ANKRD16: variants seen among roughly 807,000 people sequenced by gnomAD.
ANKRD16 encodes the protein ankyrin repeat domain-containing protein 16.
ANKRD16 carries 35 observed loss-of-function variants against 37.9 expected under a neutral mutation model. That is an observed-to-expected ratio of 0.92 (90% CI 0.71 to 1.23). The LOEUF (loss-of-function observed/expected upper bound fraction) is 1.23, where lower values mean the gene tolerates loss of function less well. Ranked by LOEUF, ANKRD16 falls within the 50% of genes most tolerant of loss-of-function variation. ANKRD16 has a pLI of 0.00. For synonymous variants in ANKRD16, 206 were observed against 197.2 expected, an observed-to-expected ratio of 1.04 and a Z score of -0.37; for missense variants, 480 against 469.9, an observed-to-expected ratio of 1.02 and a Z score of -0.20.
chr10:5,883,268 C>A, intron 4 of ANKRD16, 101 bp from the exon 5 acceptor site: 1 of 1,205,284 alleles, frequency 8.3e-7, no homozygotes, highest in South Asian at 1.5e-5. Flanking sequence ...GAGCTGTTTA[C>A]GCACAACTCT....
In ANKRD16 at chr10:5,889,273, C is replaced by T; in HGVS notation, c.82G>A (p.Ala28Thr). 6.9e-7 allele frequency: 1 copy of T among 1,452,284 alleles called. No individual in the cohort carries two copies. The highest frequency in any genetic ancestry group is 9.0e-7 in the Non-Finnish European group (1 of 1,110,416). The allele number at this position is 1,452,284 out of a possible 1,614,324, so 90.0% of individuals were successfully genotyped here. ...GCCGGCCCCGGGCAGCCCCCGGCCG[C>T]CTGCAGCTCCTCCTTCAGGGCGCGC... ...RLRALKEELQ[A>T]AGGCPGPAGD... is the part of the protein sequence containing the mutation. The change falls in exon 1 of 8, where the codon GCG becomes ACG. Residue 28 changes from alanine to threonine, a missense_variant. Coordinates refer to ENST00000380094, the MANE Select transcript of ANKRD16 (RefSeq NM_019046.3).
At chr10:5,887,163 CATT>C (rs1842437243) in intron 2 of ANKRD16, among the ~76,000 whole-genome samples, 1 of 152,160 alleles carries the variant, frequency 6.6e-6, no homozygotes, top group South Asian at 2.1e-4. Flanking sequence ...CCATCACTGA[CATT>C]ATTATTTGGT....
rs578213150 is a variant in ANKRD16 at position 5,881,721 on chromosome 10, T to G, written c.849+1285A>C. Among the ~76,000 whole-genome samples the G allele has an allele frequency of 3.9e-3, 545 of 139,400 alleles. 3 individuals carry two copies. Among genetic ancestry groups the G allele is most frequent in the Non-Finnish European group, 5.5e-3 (359 of 65,232 alleles). 91.5% of individuals were successfully genotyped at this position (139,400 alleles called of 152,430 possible). On this transcript the variant is annotated intron_variant, in intron 5 of 7. Transcript: ENST00000380094. ...TTTTTTTTTTTTGACACAGTCTCAC[T>G]CTGTCGTCCAGGCTGGAGTGCGGTG...
At chr10:5,867,243 A>G (rs1842029381) in intron 7 of ANKRD16, among the ~76,000 whole-genome samples, 1 of 152,228 alleles carries the variant, frequency 6.6e-6, no homozygotes, top group African/African-American at 2.4e-5. Flanking sequence ...TCTAACTCTT[A>G]ACTAATTACC....
intron 6 of ANKRD16, among the ~76,000 whole-genome samples, chr10:5,879,689 T>C (rs1007109992): frequency 6.6e-6 from 1 of 152,222 alleles, no homozygotes. Context: ...GGTGTCATCA[T>C]GGATTAGAAA....
chr10:5,885,607 C>G, intron 3 of ANKRD16, 116 bp downstream of exon 3: 2 of 1,067,780 alleles, frequency 1.9e-6, no homozygotes, highest in Non-Finnish European at 1.4e-6. Context: ...GTTCATTTTT[C>G]TTTTGAAAGC....
chr10:5,880,518 G>T, intron 5 of ANKRD16, 142 bp from the exon 6 acceptor site: 1 of 426,766 alleles, frequency 2.3e-6, no homozygotes. Context: ...ACAGGTCTGT[G>T]TCTCTCTCCA....
At chr10:5,889,011 A>G in intron 1 of ANKRD16, 30 bp downstream of exon 1, 1 of 1,488,418 alleles carries the variant, frequency 6.7e-7, no homozygotes, top group South Asian at 1.3e-5. Flanking sequence ...AGTAGAGGGG[A>G]GGCGGGGTGT....
At chr10:5,888,989 T>C in intron 1 of ANKRD16, 52 bp downstream of exon 1, 1 of 1,465,436 alleles carries the variant, frequency 6.8e-7, no homozygotes, top group East Asian at 2.5e-5. Flanking sequence ...GGGAACTCGC[T>C]ACGACTCTGC....
At chr10:5,882,836 T>G in intron 5 of ANKRD16, 170 bp downstream of exon 5, 1 of 647,880 alleles carries the variant, frequency 1.5e-6, no homozygotes, top group Non-Finnish European at 2.3e-6. Context: ...TCAAGTCAGG[T>G]TTCTATTTAA....
In ANKRD16 at chr10:5,874,028, T is replaced by C. The variant is rs1842147761; in HGVS notation, c.*33+4069A>G. ...GCCTCAGCCTCCCAAGTAGCTGGGA[T>C]TACAGGCGGGTGCCACCACGCCTGG... On this transcript the variant is annotated intron_variant, in intron 7 of 7. Transcript: ENST00000380094. The surrounding 1 kb of genome is among the most constrained non-coding windows in gnomAD (Gnocchi z 4.7). Among the ~76,000 whole-genome samples the C allele has an allele frequency of 6.6e-6, 1 of 152,024 alleles. No homozygotes were observed. Among genetic ancestry groups the C allele is most frequent in the African/African-American group, 2.4e-5 (1 of 41,376 alleles).
Position 5,869,911 on chromosome 10 carries a change from C to G in ANKRD16, c.*34-7220G>C, listed in dbSNP as rs559331308. On this transcript the variant is annotated intron_variant, in intron 7 of 7. Coordinates refer to ENST00000380094, the MANE Select transcript of ANKRD16 (RefSeq NM_019046.3). This position sits in a 1 kb window ranked among gnomAD's most constrained non-coding sequence, Gnocchi z 4.0. ...GAGGTCTGCAGTAAGGATCGCATCA[C>G]TTAGCATGGTATCCAGTAGGTAGTT... 2.6e-5 allele frequency among the ~76,000 whole-genome samples: 4 copies of G among 152,268 alleles called. No individual in the cohort carries two copies. Among genetic ancestry groups the G allele is most frequent in the African/African-American group, 9.6e-5 (4 of 41,558 alleles).
rs73616407 is a variant in ANKRD16 at position 5,882,928 on chromosome 10, C to G, written c.849+78G>C. ...TTCCATAGAGATGGGGTCAAAGAAA[C>G]CAGGCTGCAGAGCTACTGATCAAAG... On this transcript the variant is annotated intron_variant, in intron 5 of 7. Coordinates refer to ENST00000380094, the MANE Select transcript of ANKRD16 (RefSeq NM_019046.3). The G allele has an allele frequency of 9.1e-4, 1,367 of 1,498,126 alleles. 10 individuals are homozygous for G. The African/African-American group carries it at 0.017, about 18-fold the overall frequency. The allele number at this position is 1,498,126 out of a possible 1,614,324, so 92.8% of individuals were successfully genotyped here. A position where few individuals can be genotyped will look rare whatever the true frequency, so the allele number is the denominator to read the frequency against.
rs570151513 is a variant in ANKRD16, at chr10:5,868,736, C to T, written c.*34-6045G>A. On this transcript the variant is annotated intron_variant, in intron 7 of 7. Coordinates refer to ENST00000380094, the MANE Select transcript of ANKRD16 (RefSeq NM_019046.3). This position sits in a 1 kb window ranked among gnomAD's most constrained non-coding sequence, Gnocchi z 4.9. ...TGCTGCTACTCACTCTTTGGGCCCA[C>T]GCCACCCTTAAGAGCTGTAACATTC... Among the ~76,000 whole-genome samples the T allele has an allele frequency of 1.5e-4, 23 of 152,322 alleles. No homozygotes were observed. In the South Asian group the frequency reaches 3.7e-3, roughly 25 times the overall value.
At chr10:5,867,087 G>A (rs1842026478) in intron 7 of ANKRD16, among the ~76,000 whole-genome samples, 1 of 152,194 alleles carries the variant, frequency 6.6e-6, no homozygotes, top group Admixed American at 6.5e-5. Flanking sequence ...ATTGATAATT[G>A]AAGGTCTTCT....
rs919889813 is a variant in ANKRD16 at position 5,878,654 on chromosome 10, C to T, written c.929-367G>A. Among the ~76,000 whole-genome samples the T allele has an allele frequency of 4.0e-5, 6 of 150,966 alleles. No individual in the cohort carries two copies. Among genetic ancestry groups the T allele is most frequent in the South Asian group, 2.1e-4 (1 of 4,782 alleles). Reference sequence around the variant, plus strand: ...CTCTAATAAAAATTAAAAAATTAGCCGGGCGTGGTGGTGCATGCCTGTAAT... The same window carrying T: ...CTCTAATAAAAATTAAAAAATTAGCTGGGCGTGGTGGTGCATGCCTGTAAT... On this transcript the variant is annotated intron_variant, in intron 6 of 7. Coordinates refer to ENST00000380094, the MANE Select transcript of ANKRD16 (RefSeq NM_019046.3). This position sits in a 1 kb window ranked among gnomAD's most constrained non-coding sequence, Gnocchi z 5.1.
At position 5,889,569 on chromosome 10, in the gene ANKRD16, C is replaced by G. The variant is rs1467681880; in HGVS notation, c.-215G>C. On this transcript the variant is annotated 5_prime_UTR_variant, in exon 1 of 8. Transcript: ENST00000380094. ...GCCTAGTCCGCAGGCGGGCTGCCCC[C>G]TCACAGCCCCGGCCTGCCCCGCGTG... The G allele has an allele frequency of 7.7e-6, 2 of 258,072 alleles. No individual in the cohort carries two copies. Among genetic ancestry groups the G allele is most frequent in the African/African-American group, 4.5e-5 (2 of 44,058 alleles). The allele number at this position is 258,072 out of a possible 1,614,324, so 16.0% of individuals were successfully genotyped here.
chr10:5,867,318 C>G (rs112452698), intron 7 of ANKRD16, among the ~76,000 whole-genome samples: 1,955 of 152,238 alleles, frequency 0.013, 30 homozygotes, highest in African/African-American at 0.038. Context: ...GGTTCCTCCC[C>G]GGAGATTAAG....
At chr10:5,888,677 C>T (rs1842503971) in intron 1 of ANKRD16, among the ~76,000 whole-genome samples, 1 of 152,252 alleles carries the variant, frequency 6.6e-6, no homozygotes, top group Non-Finnish European at 1.5e-5. Flanking sequence ...TGAAACAATG[C>T]ATTGGTGCAG....
Sources: gnomAD v4.1 joint callset for allele counts (sites outside exome capture counted in the v4.1 genomes callset) on GRCh38, gnomAD v4.1.1 for gene constraint, Gnocchi (gnomAD v3.1) non-coding constraint, MANE v1.5 for transcripts, NCBI Gene and HGNC (gene_info 2026-07-23, HGNC 2026-07-21) for gene names.